The following EZR variants were observed in gnomAD, a reference collection of about 807,000 sequenced individuals.
The protein encoded by EZR is cytovillin 2.
Under a neutral mutation model 74.8 loss-of-function variants are expected in EZR, and 40 were observed. The ratio of observed to expected loss-of-function variants is 0.53; its 90% CI spans 0.42 to 0.70. The LOEUF is 0.70. EZR is among the 30% of genes least tolerant of loss of function. The probability of loss-of-function intolerance (pLI) is 0.00; values close to 1 mark genes in which losing one functional copy is unlikely to be tolerated. For missense variants in EZR, 678 were observed against 755.8 expected (o/e 0.90, Z 1.21); for synonymous variants, 341 against 283.3 (o/e 1.20, Z -2.05).
At chr6:158,812,694 G>C (rs1777474785) in intron 2 of EZR, among the ~76,000 whole-genome samples, 1 of 152,140 alleles carries the variant, frequency 6.6e-6, no homozygotes. Flanking sequence ...ATCAACGATT[G>C]TCACAAACTT....
intron 7 of EZR, among the ~76,000 whole-genome samples, chr6:158,781,617 T>C (rs559019453): frequency 3.3e-5 from 5 of 152,130 alleles, no homozygotes; most frequent in Admixed American, 6.5e-5. Flanking sequence ...ATTGAAGAGA[T>C]TTCCAAGGCA....
intron 8 of EZR, among the ~76,000 whole-genome samples, chr6:158,775,322 G>A (rs1791245613): frequency 6.6e-6 from 1 of 152,184 alleles, no homozygotes; most frequent in Non-Finnish European, 1.5e-5. Context: ...GTGAGCCACT[G>A]AGCCTGGCCA....
intron 1 of EZR, among the ~76,000 whole-genome samples, chr6:158,818,922 G>A (rs929017699): frequency 9.2e-5 from 14 of 152,126 alleles, no homozygotes; most frequent in Non-Finnish European, 1.6e-4. Flanking sequence ...GAACTTCCCG[G>A]GGCTGCCAGG....
At chr6:158,803,576 T>TAAA (rs1562504485) in intron 2 of EZR, among the ~76,000 whole-genome samples, 2 of 19,464 alleles carry the variant, frequency 1.0e-4, no homozygotes, top group African/African-American at 2.8e-4. Flanking sequence ...TATATATATA[T>TAAA]ATATACATAT....
chr6:158,785,707 T>A, intron 4 of EZR, 124 bp from the exon 5 acceptor site: 1 of 1,247,332 alleles, frequency 8.0e-7, no homozygotes, highest in Non-Finnish European at 1.1e-6. Flanking sequence ...TATTTATTCT[T>A]AAAGTCATCT....
intron 2 of EZR, among the ~76,000 whole-genome samples, chr6:158,810,780 G>A (rs1026032400): frequency 1.3e-5 from 2 of 152,152 alleles, no homozygotes; most frequent in African/African-American, 4.8e-5. Context: ...TGCGGGGTAG[G>A]GAAACACAAA....
intron 7 of EZR, among the ~76,000 whole-genome samples, chr6:158,779,130 C>T (rs1791359011): frequency 6.6e-6 from 1 of 152,130 alleles, no homozygotes; most frequent in Non-Finnish European, 1.5e-5. Flanking sequence ...ATAAGATATA[C>T]CGACCACATG....
At chr6:158,775,877 A>C (rs1388548176) in intron 8 of EZR, among the ~76,000 whole-genome samples, 1 of 152,258 alleles carries the variant, frequency 6.6e-6, no homozygotes. Flanking sequence ...TCGCCTTCTT[A>C]CCATGTCCTC....
intron 2 of EZR, among the ~76,000 whole-genome samples, chr6:158,795,046 T>C (rs1280948798): frequency 6.6e-6 from 1 of 151,372 alleles, no homozygotes; most frequent in Non-Finnish European, 1.5e-5. Context: ...ATGTCAGGAG[T>C]TCAAGACCAG....
At chr6:158,815,018 G>A (rs1390156347) in intron 2 of EZR, among the ~76,000 whole-genome samples, 1 of 152,186 alleles carries the variant, frequency 6.6e-6, no homozygotes, top group African/African-American at 2.4e-5. Context: ...TGAATCAGGT[G>A]GAAGGCCAAC....
intron 2 of EZR, among the ~76,000 whole-genome samples, chr6:158,812,011 C>G (rs9347258): frequency 1.3e-5 from 2 of 151,850 alleles, no homozygotes; most frequent in African/African-American, 2.4e-5. Flanking sequence ...TCTTTGAAAA[C>G]AAAGAGCCAA....
In EZR at chr6:158,769,880, C is replaced by G; in HGVS notation, c.1155G>C (p.Glu385Asp). The change falls in exon 11 of 14, where the codon GAG becomes GAC. Residue 385 changes from glutamate (E) to aspartate (D), a missense_variant. Coordinates refer to ENST00000367075, the MANE Select transcript of EZR (RefSeq NM_001111077.2). ...TACGGTCAGCCTCTAGGCGCTCGGC[C>G]TCCTCCTGTGCCCGCTTCCTCTCCT... is the stretch of plus-strand genomic sequence containing the variant. ...LEEERKRAQEEAERLEADRMA... is the reference protein window; with the variant it reads ...LEEERKRAQEDAERLEADRMA... 2 of 1,613,754 alleles carry G rather than the reference C, an allele frequency of 1.2e-6. No individual in the cohort carries two copies. The highest frequency in any genetic ancestry group is 1.7e-6 in the Non-Finnish European group (2 of 1,180,028).
Position 158,818,164 on chromosome 6 carries a change from A to C in EZR, c.-71T>G, listed in dbSNP as rs1777603515. 9.5e-6 allele frequency: 15 copies of C among 1,578,584 alleles called. No individual in the cohort carries two copies. The highest frequency in any genetic ancestry group is 1.3e-5 in the Non-Finnish European group (15 of 1,152,554). On this transcript the variant is annotated splice_region_variant and 5_prime_UTR_variant, in exon 2 of 14. Coordinates refer to ENST00000367075, the MANE Select transcript of EZR (RefSeq NM_001111077.2). ...CCAGCAGCAGCGAAGACGCTGTCCCAACCTGGAGTCAGAGCAGAACCCTTA... is the reference window on the plus strand; with the variant it reads ...CCAGCAGCAGCGAAGACGCTGTCCCCACCTGGAGTCAGAGCAGAACCCTTA...
chr6:158,810,063 A>G (rs746714194), intron 2 of EZR, among the ~76,000 whole-genome samples: 1 of 152,210 alleles, frequency 6.6e-6, no homozygotes, highest in Admixed American at 6.5e-5. Flanking sequence ...GTGACTTCTA[A>G]CTTAAAAATA....
intron 2 of EZR, among the ~76,000 whole-genome samples, chr6:158,795,254 AAAATAAATAAAT>A (rs552039243): frequency 3.3e-5 from 5 of 152,000 alleles, no homozygotes; most frequent in African/African-American, 7.2e-5. Context: ...TCCATCGCAA[AAAATAAATAAAT>A]AAATAAATAA....
intron 2 of EZR, among the ~76,000 whole-genome samples, chr6:158,797,502 C>T (rs886243622): frequency 6.6e-5 from 10 of 152,082 alleles, no homozygotes; most frequent in Admixed American, 6.5e-4. Flanking sequence ...GATTACATTG[C>T]GAGCTTGACC....
intron 8 of EZR, among the ~76,000 whole-genome samples, chr6:158,771,662 G>T (rs999838637): frequency 2.6e-5 from 4 of 152,238 alleles, no homozygotes; most frequent in Non-Finnish European, 5.9e-5. Context: ...GGAAGGGCAG[G>T]TGCCGCGTGT....
In EZR at chr6:158,767,643, G is replaced by A. The variant is rs531952275; in HGVS notation, c.1345-131C>T. 1.3e-3 allele frequency: 1,232 copies of A among 922,906 alleles called. 3 individuals carry two copies. The highest frequency in any genetic ancestry group is 1.6e-3 in the Non-Finnish European group (1,039 of 639,550). The allele number at this position is 922,906 out of a possible 1,614,324, so 57.2% of individuals were successfully genotyped here. On this transcript the variant is annotated intron_variant, in intron 12 of 13. Coordinates refer to ENST00000367075, the MANE Select transcript of EZR (RefSeq NM_001111077.2). ...CTGAACTGTGCTGGGCTGTGGCTTC[G>A]AAGAGGAGCACCCTCAGGGTGCATG...
At chr6:158,769,069 C>CAAAAA (rs1430388443) in intron 12 of EZR, among the ~76,000 whole-genome samples, 2 of 152,336 alleles carry the variant, frequency 1.3e-5, no homozygotes, top group African/African-American at 4.8e-5. Context: ...GAAAGTCAAT[C>CAAAAA]AGAGGTCCTC....
Sources: gnomAD v4.1 joint callset for allele counts (sites outside exome capture counted in the v4.1 genomes callset) on GRCh38, gnomAD v4.1.1 for gene constraint, MANE v1.5 for transcripts, NCBI Gene and HGNC (gene_info 2026-07-23, HGNC 2026-07-21) for gene names.